The following NLK variants were observed in gnomAD, a reference collection of about 807,000 sequenced individuals.
NLK encodes the protein nemo like kinase.
In NLK, 11 loss-of-function variants were observed where a neutral mutation model predicts 59.0. The observed-to-expected ratio is 0.19, with a 90% CI of 0.12 to 0.31. NLK has a LOEUF of 0.31. NLK is among the 10% of genes least tolerant of loss of function. The pLI, the probability that NLK is intolerant of heterozygous loss-of-function variation, is 1.00. For missense variants in NLK, 410 were observed against 661.1 expected (o/e 0.62, Z 4.16); for synonymous variants, 235 against 235.9 (o/e 1.00, Z 0.03).
downstream of NLK, among the ~76,000 whole-genome samples, chr17:28,197,997 G>T (rs2142078910): frequency 6.6e-6 from 1 of 152,262 alleles, no homozygotes; most frequent in Non-Finnish European, 1.5e-5. Context: ...GTGAACACAT[G>T]GGGGAAACTA....
chr17:28,200,628 C>T (rs901119269), downstream of NLK, among the ~76,000 whole-genome samples: 4 of 152,156 alleles, frequency 2.6e-5, no homozygotes, highest in African/African-American at 9.7e-5. Flanking sequence ...GGACTACAGG[C>T]GTGTGCCACC....
chr17:28,139,619 G>A (rs1239054412), intron 3 of NLK, among the ~76,000 whole-genome samples: 1 of 152,130 alleles, frequency 6.6e-6, no homozygotes, highest in Non-Finnish European at 1.5e-5. Context: ...AAGATGCATT[G>A]TTCATTTATT....
intron 1 of NLK, among the ~76,000 whole-genome samples, chr17:28,087,578 A>C (rs948770481): frequency 6.6e-6 from 1 of 152,220 alleles, no homozygotes; most frequent in Non-Finnish European, 1.5e-5. Flanking sequence ...ATTAGGTAAG[A>C]GCATACGGGC....
At chr17:28,124,913 G>A (rs888001337) in intron 2 of NLK, among the ~76,000 whole-genome samples, 6 of 152,070 alleles carry the variant, frequency 3.9e-5, no homozygotes, top group Non-Finnish European at 8.8e-5. Context: ...GCTGGGTTTG[G>A]TGGCACATGC....
chr17:28,187,469 A>G (rs562159045), intron 8 of NLK, among the ~76,000 whole-genome samples: 1 of 152,184 alleles, frequency 6.6e-6, no homozygotes, highest in African/African-American at 2.4e-5. Context: ...CACCCGGCTA[A>G]TTTTATATTT....
intron 1 of NLK, among the ~76,000 whole-genome samples, chr17:28,072,741 T>C (rs1910046406): frequency 2.0e-5 from 3 of 152,216 alleles, no homozygotes. Flanking sequence ...TTAGTATGCA[T>C]GTTTAAATTC....
At chr17:28,137,545 A>G (rs1268136502) in intron 3 of NLK, among the ~76,000 whole-genome samples, 1 of 152,138 alleles carries the variant, frequency 6.6e-6, no homozygotes, top group Non-Finnish European at 1.5e-5. Context: ...TAAACCTAAT[A>G]TAATAGTTAA....
intron 1 of NLK, among the ~76,000 whole-genome samples, chr17:28,061,768 A>G (rs1909647117): frequency 6.8e-6 from 1 of 146,970 alleles, no homozygotes; most frequent in African/African-American, 2.5e-5. Context: ...ACACATATAC[A>G]TATATACATA....
intron 7 of NLK, among the ~76,000 whole-genome samples, chr17:28,173,155 G>T (rs1341832227): frequency 3.3e-5 from 5 of 152,156 alleles, no homozygotes; most frequent in African/African-American, 4.8e-5. Context: ...AGACAAAATG[G>T]TTTTTTATCT....
At chr17:28,076,686 TTGTGCA>T (rs1910169487) in intron 1 of NLK, among the ~76,000 whole-genome samples, 1 of 152,212 alleles carries the variant, frequency 6.6e-6, no homozygotes, top group Non-Finnish European at 1.5e-5. Context: ...ATCCCCATTT[TTGTGCA>T]TCTGTGTATT....
chr17:28,105,277 A>C (rs1371179159), intron 1 of NLK, among the ~76,000 whole-genome samples: 1 of 152,218 alleles, frequency 6.6e-6, no homozygotes, highest in African/African-American at 2.4e-5. Context: ...ACCATGTAAT[A>C]TACACCTGAA....
intron 8 of NLK, among the ~76,000 whole-genome samples, chr17:28,190,127 C>T (rs769947973): frequency 6.6e-6 from 1 of 152,138 alleles, no homozygotes; most frequent in Non-Finnish European, 1.5e-5. Flanking sequence ...GGAATCAGGG[C>T]AAAGTGTGTG....
chr17:28,043,092 G>GGCAGCC lies in NLK; in HGVS notation c.225_230dup (p.Ala82_Ala83dup). ...AGCAGCACACCTCTTCGGCAGCTGC[G>GGCAGCC]GCAGCCGCAGCAGCGGCTGCAGCTG... On this transcript the variant is annotated inframe_insertion, in exon 1 of 11. Coordinates refer to ENST00000407008, the MANE Select transcript of NLK (RefSeq NM_016231.5). 1 of 1,579,220 alleles carries GGCAGCC rather than the reference G, an allele frequency of 6.3e-7. No homozygotes were observed. Among genetic ancestry groups the GGCAGCC allele is most frequent in the Non-Finnish European group, 8.6e-7 (1 of 1,162,494 alleles).
chr17:28,188,767 T>A (rs1909208211), intron 8 of NLK, among the ~76,000 whole-genome samples: 1 of 152,166 alleles, frequency 6.6e-6, no homozygotes, highest in Non-Finnish European at 1.5e-5. Context: ...TTTTTAAATA[T>A]CCATGAAGAA....
At chr17:28,094,867 C>T (rs1282776069) in intron 1 of NLK, among the ~76,000 whole-genome samples, 1 of 152,160 alleles carries the variant, frequency 6.6e-6, no homozygotes, top group Non-Finnish European at 1.5e-5. Flanking sequence ...TGTCAAGACT[C>T]TTGTCTCCTT....
At chr17:28,174,441 C>T (rs559386502) in intron 7 of NLK, among the ~76,000 whole-genome samples, 4 of 151,882 alleles carry the variant, frequency 2.6e-5, no homozygotes, top group East Asian at 1.9e-4. Context: ...GTCTTGGTGT[C>T]GGCATATTTT....
At chr17:28,111,120 A>T (rs1905456106) in intron 1 of NLK, among the ~76,000 whole-genome samples, 1 of 152,010 alleles carries the variant, frequency 6.6e-6, no homozygotes, top group Non-Finnish European at 1.5e-5. Context: ...CATATTTACG[A>T]TAGCTAGTTT....
At chr17:28,187,178 C>A (rs908073117) in intron 8 of NLK, among the ~76,000 whole-genome samples, 1 of 152,086 alleles carries the variant, frequency 6.6e-6, no homozygotes, top group Non-Finnish European at 1.5e-5. Context: ...ATATTTTATT[C>A]TCTATTTCTA....
chr17:28,121,948 G>T (rs1028710657), intron 1 of NLK, among the ~76,000 whole-genome samples: 5 of 152,036 alleles, frequency 3.3e-5, no homozygotes, highest in African/African-American at 7.2e-5. Flanking sequence ...AAAAGGGAGT[G>T]GGGGGACACA....
Sources: allele counts gnomAD v4.1 joint callset (sites outside exome capture counted in the v4.1 genomes callset), GRCh38; gene constraint gnomAD v4.1.1; transcripts MANE v1.5; gene names NCBI Gene and HGNC (gene_info 2026-07-23, HGNC 2026-07-21).